The following ZNF569 variants were observed in gnomAD, a reference collection of about 807,000 sequenced individuals.
ZNF569 encodes zinc finger protein 569, also known as DNA-binding protein.
A neutral mutation model predicts 56.3 loss-of-function variants in ZNF569; 38 were observed. That is an observed-to-expected ratio of 0.68 (90% CI 0.52 to 0.88). The LOEUF (loss-of-function observed/expected upper bound fraction) is 0.88, where lower values mean the gene tolerates loss of function less well. ZNF569 is among the 40% of genes least tolerant of loss of function. ZNF569 has a pLI of 0.00. For missense variants in ZNF569, 666 were observed against 809.2 expected (o/e 0.82, Z 2.15); for synonymous variants, 241 against 262.9 (o/e 0.92, Z 0.81).
chr19:37,441,241 G>GC (rs1175432151), intron 3 of ZNF569, among the ~76,000 whole-genome samples: 2 of 152,194 alleles, frequency 1.3e-5, no homozygotes, highest in Admixed American at 6.5e-5. Flanking sequence ...AGTGTGAAAT[G>GC]CAAGAGAAGC....
chr19:37,417,937 C>A (rs2040961882), intron 5 of ZNF569, among the ~76,000 whole-genome samples: 1 of 151,818 alleles, frequency 6.6e-6, no homozygotes, highest in Non-Finnish European at 1.5e-5. Context: ...CCGGTCTCTA[C>A]TAAAAATACA....
intron 3 of ZNF569, among the ~76,000 whole-genome samples, chr19:37,443,092 G>A (rs139710319): frequency 1.9e-3 from 295 of 152,294 alleles, no homozygotes; most frequent in African/African-American, 6.7e-3. Flanking sequence ...TGAGGCTCAC[G>A]CCTGTAATCC....
At chr19:37,451,094 T>C (rs922188489) in intron 2 of ZNF569, among the ~76,000 whole-genome samples, 5 of 152,176 alleles carry the variant, frequency 3.3e-5, no homozygotes, top group African/African-American at 1.2e-4. Flanking sequence ...ATTCTACAGC[T>C]GTTGGGTATA....
At chr19:37,444,266 C>T (rs771800764) in intron 3 of ZNF569, among the ~76,000 whole-genome samples, 2 of 152,106 alleles carry the variant, frequency 1.3e-5, no homozygotes, top group Admixed American at 6.6e-5. Context: ...ATTAGTTTTG[C>T]CCATTTTCAA....
intron 2 of ZNF569, among the ~76,000 whole-genome samples, chr19:37,459,750 T>G (rs935181704): frequency 6.6e-6 from 1 of 152,146 alleles, no homozygotes; most frequent in Admixed American, 6.5e-5. Flanking sequence ...TATTAGGTGA[T>G]TACAGCACAC....
intron 2 of ZNF569, among the ~76,000 whole-genome samples, chr19:37,460,983 A>T (rs1159679539): frequency 6.6e-6 from 1 of 152,200 alleles, no homozygotes; most frequent in African/African-American, 2.4e-5. Flanking sequence ...AAAAATGATG[A>T]ATATATAATG....
At chr19:37,445,123 G>A (rs2303131) in intron 2 of ZNF569, among the ~76,000 whole-genome samples, 159 bp from the exon 3 acceptor site, 31,353 of 152,046 alleles carry the variant, frequency 0.21, 3,441 homozygotes, top group South Asian at 0.32. Flanking sequence ...ATAGGTGTGA[G>A]GATGATTGGA....
chr19:37,434,454 C>G (rs1461661868), intron 3 of ZNF569, among the ~76,000 whole-genome samples: 2 of 151,976 alleles, frequency 1.3e-5, no homozygotes, highest in Admixed American at 1.3e-4. Context: ...CTTGGGAGGC[C>G]GAGGCGGGCA....
At chr19:37,432,084 C>T (rs2041234602) in intron 3 of ZNF569, among the ~76,000 whole-genome samples, 1 of 152,172 alleles carries the variant, frequency 6.6e-6, no homozygotes, top group South Asian at 2.1e-4. Flanking sequence ...CTGGACCTGC[C>T]CGTGGCTGGG....
At chr19:37,450,351 TATA>T (rs2041571925) in intron 2 of ZNF569, among the ~76,000 whole-genome samples, 1 of 152,236 alleles carries the variant, frequency 6.6e-6, no homozygotes, top group African/African-American at 2.4e-5. Flanking sequence ...TCAGACATTT[TATA>T]ATATTTCTTC....
chr19:37,413,768 G>A lies in ZNF569; in HGVS notation c.890C>T (p.Pro297Leu), dbSNP rs2040880684. Residue 297 changes from proline to leucine, a missense_variant, in exon 6 of 6, where the codon CCT (proline) becomes CTT (leucine). Physicochemically the swap from Pro to Leu is moderately conservative, Grantham distance 98 (BLOSUM62 -3). Transcript: ENST00000316950. ...DHEKIHTGEKPYECNECGKAF... is the reference protein window; with the variant it reads ...DHEKIHTGEKLYECNECGKAF... ...TTTTCCACACTCATTACATTCATAAGGTTTCTCTCCAGTATGAATTTTTTC... is the reference window on the plus strand; with the variant it reads ...TTTTCCACACTCATTACATTCATAAAGTTTCTCTCCAGTATGAATTTTTTC... 9 of 1,613,456 alleles carry A rather than the reference G, an allele frequency of 5.6e-6. No homozygotes were observed. Among genetic ancestry groups the A allele is most frequent in the Non-Finnish European group, 7.6e-6 (9 of 1,179,926 alleles).
chr19:37,447,735 T>C (rs1275044069), intron 2 of ZNF569, among the ~76,000 whole-genome samples: 1 of 152,222 alleles, frequency 6.6e-6, no homozygotes, highest in Non-Finnish European at 1.5e-5. Flanking sequence ...CTCTAGGTTT[T>C]TTGAAGATGC....
chr19:37,454,630 G>A (rs1395952227), intron 2 of ZNF569, among the ~76,000 whole-genome samples: 1 of 152,000 alleles, frequency 6.6e-6, no homozygotes, highest in African/African-American at 2.4e-5. Flanking sequence ...CCCTCCCCCA[G>A]CTAACACCAC....
chr19:37,447,832 AGTG>A (rs1324250052), intron 2 of ZNF569, among the ~76,000 whole-genome samples: 1 of 152,206 alleles, frequency 6.6e-6, no homozygotes, highest in African/African-American at 2.4e-5. Flanking sequence ...ATGTTTGTCA[AGTG>A]CTTTTCTGCA....
chr19:37,416,425 C>A (rs528769502), intron 5 of ZNF569, among the ~76,000 whole-genome samples: 1 of 152,118 alleles, frequency 6.6e-6, no homozygotes, highest in Non-Finnish European at 1.5e-5. Context: ...ATACAAACAA[C>A]TACAGTCATC....
chr19:37,432,881 G>A (rs2041247653), intron 3 of ZNF569, among the ~76,000 whole-genome samples: 1 of 148,454 alleles, frequency 6.7e-6, no homozygotes. Context: ...AAATGCAACG[G>A]ACAAACTAAA....
At chr19:37,418,398 A>T (rs1223749277) in intron 5 of ZNF569, among the ~76,000 whole-genome samples, 1 of 152,196 alleles carries the variant, frequency 6.6e-6, no homozygotes, top group African/African-American at 2.4e-5. Flanking sequence ...GATTCTATCC[A>T]AAAGTGCACA....
At chr19:37,431,892 C>A (rs1158690068) in intron 3 of ZNF569, among the ~76,000 whole-genome samples, 8 of 152,104 alleles carry the variant, frequency 5.3e-5, no homozygotes, top group Non-Finnish European at 1.2e-4. Context: ...GGTAGCCAGG[C>A]CATACTTGCC....
intron 2 of ZNF569, among the ~76,000 whole-genome samples, chr19:37,451,295 G>C (rs2146955831): frequency 6.6e-6 from 1 of 151,948 alleles, no homozygotes; most frequent in African/African-American, 2.4e-5. Context: ...AGCTACTCGG[G>C]AGGCTGAGGC....
Sources: allele counts gnomAD v4.1 joint callset (sites outside exome capture counted in the v4.1 genomes callset), GRCh38; gene constraint gnomAD v4.1.1; transcripts MANE v1.5; gene names NCBI Gene and HGNC (gene_info 2026-07-23, HGNC 2026-07-21).